Variants in TMC1 observed in about 807,000 individuals in gnomAD.
TMC1 encodes the protein transmembrane channel like 1, also known as transmembrane channel-like protein 1.
Under a neutral mutation model 105.8 loss-of-function variants are expected in TMC1, and 84 were observed. The ratio of observed to expected loss-of-function variants is 0.79; its 90% CI spans 0.67 to 0.95. The LOEUF (loss-of-function observed/expected upper bound fraction) is 0.95. Among genes scored for constraint, TMC1 ranks in the 40% least tolerant of loss-of-function variants. The pLI is 0.00. For synonymous variants in TMC1, 315 were observed against 311.5 expected, an observed-to-expected ratio of 1.01 and a Z score of -0.12; for missense variants, 817 against 914.1, an observed-to-expected ratio of 0.89 and a Z score of 1.37.
chr9:72,557,805 G>A (rs1437889396), intron 1 of TMC1, among the ~76,000 whole-genome samples: 1 of 152,096 alleles, frequency 6.6e-6, no homozygotes, highest in Non-Finnish European at 1.5e-5. Context: ...CAAGTCTTCC[G>A]GTGTTTTGGT....
chr9:72,824,102 C>A (rs538120153), intron 20 of TMC1, among the ~76,000 whole-genome samples: 5 of 152,242 alleles, frequency 3.3e-5, no homozygotes, highest in Non-Finnish European at 7.3e-5. Flanking sequence ...CAAGTGAGTG[C>A]GGGATCTGGC....
intron 1 of TMC1, among the ~76,000 whole-genome samples, chr9:72,522,609 T>TAG (rs1823332165): frequency 6.6e-6 from 1 of 152,208 alleles, no homozygotes; most frequent in Non-Finnish European, 1.5e-5. Flanking sequence ...TGTCAAAGAC[T>TAG]GATGGGTGTA....
intron 1 of TMC1, among the ~76,000 whole-genome samples, chr9:72,534,764 G>A (rs1587942489): frequency 2.0e-5 from 3 of 152,064 alleles, no homozygotes; most frequent in South Asian, 2.1e-4. Flanking sequence ...ATATTTTAAC[G>A]ATGCATTTAG....
At chr9:72,717,877 C>T (rs972052592) in intron 8 of TMC1, among the ~76,000 whole-genome samples, 5 of 152,134 alleles carry the variant, frequency 3.3e-5, no homozygotes, top group Non-Finnish European at 7.4e-5. Context: ...CTATTATTCC[C>T]CCAAATATGT....
intron 1 of TMC1, among the ~76,000 whole-genome samples, chr9:72,552,366 C>A (rs1412128802): frequency 6.6e-6 from 1 of 152,110 alleles, no homozygotes; most frequent in Non-Finnish European, 1.5e-5. Context: ...GGAATCCCCC[C>A]CAGAAGAGAC....
intron 18 of TMC1, among the ~76,000 whole-genome samples, chr9:72,806,652 C>T (rs1828597699): frequency 6.6e-6 from 1 of 151,728 alleles, no homozygotes; most frequent in African/African-American, 2.4e-5. Context: ...GTGCTCCTCA[C>T]ATCCCAGATG....
At chr9:72,770,484 T>C in intron 12 of TMC1, among the ~76,000 whole-genome samples, 1 of 147,690 alleles carries the variant, frequency 6.8e-6, no homozygotes, top group East Asian at 2.0e-4. Context: ...AATGGTGTGA[T>C]CTTGGGACAC....
chr9:72,722,548 A>G (rs951806041), intron 8 of TMC1, among the ~76,000 whole-genome samples: 4 of 152,212 alleles, frequency 2.6e-5, no homozygotes, highest in African/African-American at 9.6e-5. Flanking sequence ...TAAAAATTAT[A>G]TGTAAATCTC....
chr9:72,805,952 A>G (rs1828568601), intron 18 of TMC1, among the ~76,000 whole-genome samples: 1 of 152,134 alleles, frequency 6.6e-6, no homozygotes, highest in Non-Finnish European at 1.5e-5. Flanking sequence ...TTCTTTCTAC[A>G]CAGACACGGC....
intron 5 of TMC1, among the ~76,000 whole-genome samples, chr9:72,657,064 T>C (rs940541901): frequency 6.6e-6 from 1 of 152,228 alleles, no homozygotes; most frequent in African/African-American, 2.4e-5. Context: ...TCTATGCACA[T>C]AGCGGTATTC....
Position 72,792,268 on chromosome 9 carries a change from C to T in TMC1, c.1482C>T (p.Phe494=), listed in dbSNP as rs1227231831. Residue 494 remains phenylalanine, a synonymous_variant, in exon 17 of 24, where the codon TTC becomes TTT. Coordinates refer to ENST00000297784, the MANE Select transcript of TMC1 (RefSeq NM_138691.3). ...ANMIKAYNAS[F]SENSTGPPFF... ...TGATCAAGGCCTACAATGCATCATT[C>T]TCTGAAAATAGCACTGGACCACCCT... The T allele has an allele frequency of 6.2e-7, 1 of 1,613,988 alleles. No homozygotes were observed. Among genetic ancestry groups the T allele is most frequent in the African/African-American group, 1.3e-5 (1 of 74,898 alleles).
At chr9:72,826,809 T>C (rs1313383772) in intron 20 of TMC1, 60 bp from the exon 21 acceptor site, 13 of 1,584,128 alleles carry the variant, frequency 8.2e-6, no homozygotes, top group Non-Finnish European at 1.1e-5. Flanking sequence ...TTTCTTGCTT[T>C]AACCATGGTT....
At chr9:72,788,612 C>A in intron 14 of TMC1, 129 bp downstream of exon 14, 4 of 1,021,856 alleles carry the variant, frequency 3.9e-6, no homozygotes, top group Non-Finnish European at 6.0e-6. Flanking sequence ...TTCTGCCTAC[C>A]AAGATCTTGC....
At chr9:72,826,531 C>T (rs934535294) in intron 20 of TMC1, among the ~76,000 whole-genome samples, 1 of 152,204 alleles carries the variant, frequency 6.6e-6, no homozygotes, top group African/African-American at 2.4e-5. Flanking sequence ...TGTTCTCCTA[C>T]AAGAGCAGCT....
chr9:72,765,639 TAAAA>T, intron 12 of TMC1, among the ~76,000 whole-genome samples: 1 of 130,506 alleles, frequency 7.7e-6, no homozygotes, highest in African/African-American at 2.8e-5. Context: ...CCTGTCATAC[TAAAA>T]AAAAAAAAAA....
chr9:72,634,157 G>A (rs542908526), intron 4 of TMC1, among the ~76,000 whole-genome samples: 3 of 152,206 alleles, frequency 2.0e-5, no homozygotes, highest in Admixed American at 1.3e-4. Flanking sequence ...AACTGTCTTC[G>A]CATGCTGAGT....
intron 20 of TMC1, among the ~76,000 whole-genome samples, chr9:72,823,292 T>A (rs569092925): frequency 6.6e-6 from 1 of 152,306 alleles, no homozygotes. Flanking sequence ...GAGGTGAGAA[T>A]GCTTGTATGC....
At chr9:72,835,915 G>GTTTTTTTTGT in intron 23 of TMC1, 36 bp from the exon 24 acceptor site, 2 of 1,314,682 alleles carry the variant, frequency 1.5e-6, no homozygotes, top group South Asian at 1.4e-5. Flanking sequence ...CTCTCTCCTT[G>GTTTTTTTTGT]TTTTTTTTTT....
chr9:72,592,069 G>A (rs891346984), intron 2 of TMC1, among the ~76,000 whole-genome samples: 8 of 152,136 alleles, frequency 5.3e-5, no homozygotes, highest in East Asian at 1.9e-4. Context: ...ATCACTGATC[G>A]AGCAAAAAAA....
Sources: gnomAD v4.1 joint callset for allele counts (sites outside exome capture counted in the v4.1 genomes callset) on GRCh38, gnomAD v4.1.1 for gene constraint, MANE v1.5 for transcripts, NCBI Gene and HGNC (gene_info 2026-07-23, HGNC 2026-07-21) for gene names.